FRMPD1: variants seen among roughly 807,000 people sequenced by gnomAD.
FRMPD1 encodes the protein FERM and PDZ domain containing 1.
A neutral mutation model predicts 117.8 loss-of-function variants in FRMPD1; 76 were observed. That is an observed-to-expected ratio of 0.65 (90% confidence interval 0.54 to 0.78). FRMPD1 has a LOEUF of 0.78. Among genes scored for constraint, FRMPD1 ranks in the 30% least tolerant of loss-of-function variants. The pLI, the probability that FRMPD1 is intolerant of heterozygous loss-of-function variation, is 0.00. For missense variants in FRMPD1, 1,786 were observed against 1,964.5 expected (o/e 0.91, Z 1.72); for synonymous variants, 783 against 770.4 (o/e 1.02, Z -0.27).
At position 37,729,382 on chromosome 9, in the gene FRMPD1, C is replaced by CAAAAAAAA. The variant is rs60967717; in HGVS notation, c.613-326_613-319dup. On this transcript the variant is annotated intron_variant, in intron 7 of 15. Transcript: ENST00000377765. ...TGGGTGACAGCCTGGGAGACCCTCT[C>CAAAAAAAA]AAAAAAAAAAAAAAAAAAAAAAAAA... 1.3e-4 allele frequency among the ~76,000 whole-genome samples: 7 copies of CAAAAAAAA among 54,722 alleles called. 1 individual carries two copies. The highest frequency in any genetic ancestry group is 3.6e-4 in the African/African-American group (4 of 11,008). 35.9% of individuals were successfully genotyped at this position (54,722 alleles called of 152,430 possible).
Position 37,746,171 on chromosome 9 carries a change from G to A in FRMPD1, c.4139G>A (p.Trp1380Ter). 1 of 1,613,630 alleles carries A rather than the reference G, an allele frequency of 6.2e-7. No individual in the cohort carries two copies. Among genetic ancestry groups the A allele is most frequent in the Admixed American group, 1.7e-5 (1 of 60,028 alleles). The change falls in exon 16 of 16, where the codon TGG becomes TAG. Residue 1380 changes from tryptophan (W) to a stop codon, truncating the protein, a stop_gained. Coordinates refer to ENST00000377765, the MANE Select transcript of FRMPD1 (RefSeq NM_014907.3). LOFTEE classifies it high-confidence loss of function. The stretch of plus-strand genomic sequence containing the variant: ...GCGGGAAGCCCGGTGGTTCTGCCCT[G>A]GAGGCCTGCCCGAGCCCACAGCTGC... ...PSAGSPVVLPWRPARAHSCTT... is the reference protein window; with the variant it reads ...PSAGSPVVLP
chr9:37,739,964 C>G (rs1824303272), intron 14 of FRMPD1, 114 bp from the exon 15 acceptor site: 2 of 777,980 alleles, frequency 2.6e-6, no homozygotes, highest in Admixed American at 4.6e-5. Context: ...AGGCCAGCCA[C>G]CCTCTGGCCC....
intron 1 of FRMPD1, among the ~76,000 whole-genome samples, chr9:37,663,522 A>G (rs1011481885): frequency 6.6e-6 from 1 of 152,150 alleles, no homozygotes; most frequent in African/African-American, 2.4e-5. Context: ...AGGCCTCTGG[A>G]TTTTTGTTCA....
In FRMPD1 at chr9:37,746,559, C is replaced by G. The variant is rs750166649; in HGVS notation, c.4527C>G (p.Asp1509Glu). 14 of 1,613,720 alleles carry G rather than the reference C, an allele frequency of 8.7e-6. No homozygotes were observed. The highest frequency in any genetic ancestry group is 1.2e-5 in the Non-Finnish European group (14 of 1,179,988). ...QLAGLCFQFT[D>E]CSRCSARHRE... ...CCGGCCTGTGCTTTCAGTTCACAGA[C>G]TGTAGCCGCTGCTCCGCCCGGCACA... Residue 1509 changes from aspartate (D) to glutamate (E), a missense_variant, in exon 16 of 16, where the codon GAC becomes GAG. Coordinates refer to ENST00000377765, the MANE Select transcript of FRMPD1 (RefSeq NM_014907.3).
At position 37,746,130 on chromosome 9, in the gene FRMPD1, C is replaced by A. The variant is rs753583905; in HGVS notation, c.4098C>A (p.Leu1366=). Residue 1366 remains leucine, a synonymous_variant, in exon 16 of 16, where the codon CTC becomes CTA. Transcript: ENST00000377765. The part of the protein sequence containing the change: ...RDLEAHPMAP[L]TSPPSAGSPV... Reference sequence around the variant, plus strand: ...TGGAAGCACACCCCATGGCCCCCCTCACCTCACCGCCCTCTGCGGGAAGCC... The same window carrying A: ...TGGAAGCACACCCCATGGCCCCCCTAACCTCACCGCCCTCTGCGGGAAGCC... The A allele has an allele frequency of 6.2e-7, 1 of 1,614,104 alleles. No homozygotes were observed. The highest frequency in any genetic ancestry group is 1.1e-5 in the South Asian group (1 of 91,084).
the FRMPD1 span, among the ~76,000 whole-genome samples, chr9:37,610,655 C>CGT: frequency 6.8e-6 from 1 of 148,128 alleles, no homozygotes; most frequent in African/African-American, 2.5e-5. Context: ...AGTGCAATGG[C>CGT]GCGATCTCGG....
At chr9:37,666,695 T>C (rs1443016219) in intron 1 of FRMPD1, among the ~76,000 whole-genome samples, 1 of 152,192 alleles carries the variant, frequency 6.6e-6, no homozygotes, top group African/African-American at 2.4e-5. Flanking sequence ...TCTGCACTGG[T>C]CCTTACTCTT....
chr9:37,706,982 T>C (rs1588944966), intron 2 of FRMPD1, among the ~76,000 whole-genome samples: 1 of 151,028 alleles, frequency 6.6e-6, no homozygotes, highest in Admixed American at 6.6e-5. Context: ...ATCCATTCAT[T>C]CATTGATTCA....
At position 37,720,644 on chromosome 9, in the gene FRMPD1, G is replaced by A. The variant is rs189952497; in HGVS notation, c.516+1468G>A. On this transcript the variant is annotated intron_variant, in intron 6 of 15. Coordinates refer to ENST00000377765, the MANE Select transcript of FRMPD1 (RefSeq NM_014907.3). ...AGATCGCGCCACTGCACTCGAGCCT[G>A]GGCGACAAAGCCAGACTCCATCTCA... is the stretch of plus-strand genomic sequence containing the variant. 3.4e-3 allele frequency among the ~76,000 whole-genome samples: 519 copies of A among 152,098 alleles called. 6 individuals are homozygous for A. Among genetic ancestry groups the A allele is most frequent in the African/African-American group, 0.012 (498 of 41,462 alleles).
At chr9:37,613,185 C>T in the FRMPD1 span, among the ~76,000 whole-genome samples, 1 of 152,146 alleles carries the variant, frequency 6.6e-6, no homozygotes, top group East Asian at 1.9e-4. Context: ...GTAGTGTGCT[C>T]CTAGAGAGCT....
intron 1 of FRMPD1, among the ~76,000 whole-genome samples, chr9:37,674,003 A>C (rs997531750): frequency 6.6e-6 from 1 of 152,234 alleles, no homozygotes; most frequent in Non-Finnish European, 1.5e-5. Context: ...TTGGGGATTA[A>C]CATTAGGCTC....
At chr9:37,633,025 A>ATT in the FRMPD1 span, among the ~76,000 whole-genome samples, 2 of 20,072 alleles carry the variant, frequency 1.0e-4, no homozygotes, top group African/African-American at 1.7e-4. Context: ...TATTATATAT[A>ATT]TATATATTTT....
the FRMPD1 span, among the ~76,000 whole-genome samples, chr9:37,644,113 G>C: frequency 1.3e-5 from 2 of 152,334 alleles, no homozygotes; most frequent in South Asian, 4.1e-4. Context: ...TAAAGATGCT[G>C]TGTGGGCTAG....
intron 1 of FRMPD1, among the ~76,000 whole-genome samples, chr9:37,651,550 C>T (rs996371349): frequency 5.9e-5 from 9 of 152,242 alleles, no homozygotes; most frequent in Non-Finnish European, 1.3e-4. Context: ...AGGGGCATCC[C>T]TGAGTGTCTC....
chr9:37,718,060 A>G (rs1250863410), intron 5 of FRMPD1, among the ~76,000 whole-genome samples: 1 of 152,186 alleles, frequency 6.6e-6, no homozygotes, highest in Non-Finnish European at 1.5e-5. Context: ...TGAGATGTTG[A>G]GTCATAGTCA....
chr9:37,713,295 A>G (rs1822979649), intron 5 of FRMPD1, among the ~76,000 whole-genome samples: 1 of 152,170 alleles, frequency 6.6e-6, no homozygotes. Context: ...AAAAAGTTCA[A>G]GAGTAGATGC....
chr9:37,684,150 A>G (rs942171588), intron 1 of FRMPD1, among the ~76,000 whole-genome samples: 8 of 151,816 alleles, frequency 5.3e-5, no homozygotes, highest in Admixed American at 2.0e-4. Context: ...GGGCCAGATC[A>G]CAAAAGGCTT....
At chr9:37,685,868 A>G (rs1050850239) in intron 1 of FRMPD1, among the ~76,000 whole-genome samples, 1 of 152,170 alleles carries the variant, frequency 6.6e-6, no homozygotes, top group African/African-American at 2.4e-5. Flanking sequence ...TGCTGCCTCC[A>G]CTGATGTTTT....
the FRMPD1 span, among the ~76,000 whole-genome samples, chr9:37,638,515 C>A: frequency 6.6e-6 from 1 of 152,162 alleles, no homozygotes; most frequent in Non-Finnish European, 1.5e-5. Flanking sequence ...AGGAACTGAT[C>A]CCATTTTAGT....
Sources: allele counts gnomAD v4.1 joint callset (sites outside exome capture counted in the v4.1 genomes callset), GRCh38; gene constraint gnomAD v4.1.1; transcripts MANE v1.5; gene names NCBI Gene and HGNC (gene_info 2026-07-23, HGNC 2026-07-21).